TAF1C: variants seen among roughly 807,000 people sequenced by gnomAD.
The protein encoded by TAF1C is TATA box-binding protein-associated factor RNA polymerase I subunit C.
TAF1C carries 79 observed loss-of-function variants against 70.5 expected under a neutral mutation model. That is an observed-to-expected ratio of 1.12 (90% confidence interval 0.93 to 1.35). TAF1C has a LOEUF of 1.35. Among genes scored for constraint, TAF1C ranks in the 40% most tolerant of loss-of-function variants. TAF1C has a pLI of 0.00. For missense variants in TAF1C, 1,412 were observed against 1,127.8 expected, an observed-to-expected ratio of 1.25 and a Z score of -3.61; for synonymous variants, 614 against 491.1, an observed-to-expected ratio of 1.25 and a Z score of -3.31.
At chr16:84,181,210 C>T in intron 11 of TAF1C, 24 bp from the exon 12 acceptor site, 1 of 1,594,966 alleles carries the variant, frequency 6.3e-7, no homozygotes, top group Non-Finnish European at 8.6e-7. Context: ...ACAGGGTCAG[C>T]CCTCCCCACA....
rs369935301 is a variant in TAF1C at position 84,178,992 on chromosome 16, G to C, written c.2481C>G (p.Pro827=). 3 of 1,610,842 alleles carry C rather than the reference G, an allele frequency of 1.9e-6. No individual in the cohort carries two copies. Among genetic ancestry groups the C allele is most frequent in the Admixed American group, 1.7e-5 (1 of 59,990 alleles). ...VRATRSQQHT[P]VLSSSQPLRK... ...GGAGGGGCTGAGAGCTAGAGAGGAC[G>C]GGTGTGTGCTGCTGGGAGCGAGTGG... Residue 827 remains proline, a synonymous_variant, in exon 15 of 15, where the codon CCC becomes CCG. Transcript: ENST00000566732.
At chr16:84,181,903 T>C in intron 8 of TAF1C, 39 bp downstream of exon 8, 1 of 1,614,016 alleles carries the variant, frequency 6.2e-7, no homozygotes, top group Non-Finnish European at 8.5e-7. Context: ...AGGTAGCAGG[T>C]CAGCCAGTGA....
chr16:84,183,114 C>T lies in TAF1C; in HGVS notation c.444G>A (p.Lys148=), dbSNP rs1331423560. ...RTKKKTVVSV[K]KLLQDLGGHQ... ...GTCCACCGAGGTCCTGGAGCAGCTT[C>T]TTCACACTGACCACTGTCTTCTTCT... Residue 148 remains lysine, a synonymous_variant, in exon 6 of 15, where the codon AAG becomes AAA. Transcript: ENST00000566732. 1.2e-6 allele frequency: 2 copies of T among 1,614,160 alleles called. No homozygotes were observed. Among genetic ancestry groups the T allele is most frequent in the East Asian group, 4.5e-5 (2 of 44,882 alleles).
Position 84,184,995 on chromosome 16 carries a change from A to C in TAF1C, c.-7T>G. 6.2e-7 allele frequency: 1 copy of C among 1,612,802 alleles called. No homozygotes were observed. The highest frequency in any genetic ancestry group is 8.5e-7 in the Non-Finnish European group (1 of 1,179,446). ...GGGAGCTGGGGAAGTCCATCCTGGA[A>C]ACAAGGACCAAGCACCACACTGGCC... On this transcript the variant is annotated 5_prime_UTR_variant, in exon 2 of 15. Transcript: ENST00000566732.
In TAF1C at chr16:84,178,205, C is replaced by A; in HGVS notation, c.*736G>T. 1 of 391,962 alleles carries A rather than the reference C, an allele frequency of 2.6e-6. No homozygotes were observed. Among genetic ancestry groups the A allele is most frequent in the South Asian group, 1.9e-5 (1 of 51,848 alleles). 24.3% of individuals were successfully genotyped at this position (391,962 alleles called of 1,614,324 possible). A position where few individuals can be genotyped will look rare whatever the true frequency, so the allele number is the denominator to read the frequency against. On this transcript the variant is annotated 3_prime_UTR_variant, in exon 15 of 15. Transcript: ENST00000566732. ...CTGTGAGGCACAACAGAGAATTCCC[C>A]CAAACTGACATGACCGTGACCCTCT...
rs778470093 is a variant in TAF1C at position 84,179,618 on chromosome 16, T to C, written c.1855A>G (p.Lys619Glu). Residue 619 changes from lysine to glutamate, a missense_variant, in exon 15 of 15, where the codon AAA (lysine) becomes GAA (glutamate). Transcript: ENST00000566732. ...GCSQWLKALL[K>E]VPLAPPVWTA... ...CACACAGGAGGAGCCAGGGGCACTT[T>C]TAGCAGGGCCTTCAGCCACTGGCTG... 2 of 1,612,684 alleles carry C rather than the reference T, an allele frequency of 1.2e-6. No homozygotes were observed. Among genetic ancestry groups the C allele is most frequent in the East Asian group, 2.2e-5 (1 of 44,850 alleles).
intron 1 of TAF1C, among the ~76,000 whole-genome samples, chr16:84,186,577 T>C (rs1180182770): frequency 6.6e-6 from 1 of 152,070 alleles, no homozygotes; most frequent in African/African-American, 2.4e-5. Flanking sequence ...AACAAAAATA[T>C]TTTCTCTTGG....
In TAF1C at chr16:84,180,354, G is replaced by A. The variant is rs1233086361; in HGVS notation, c.1309-10C>T. On this transcript the variant is annotated splice_polypyrimidine_tract_variant and intron_variant, in intron 12 of 14. Coordinates refer to ENST00000566732, the MANE Select transcript of TAF1C (RefSeq NM_001243156.2). Reference sequence around the variant, plus strand: ...CTAGGTAGAGAGAGAACTGGGGCCCGAGAAGGAAGGGGGATGTGGCCGAAC... The same window carrying A: ...CTAGGTAGAGAGAGAACTGGGGCCCAAGAAGGAAGGGGGATGTGGCCGAAC... The A allele has an allele frequency of 9.8e-6, 15 of 1,535,872 alleles. No individual in the cohort carries two copies. The highest frequency in any genetic ancestry group is 2.8e-5 in the African/African-American group (2 of 72,486).
rs765309644 is a variant in TAF1C, at chr16:84,179,293, C to T, written c.2180G>A (p.Arg727Gln). ...CGAAAAGCTGCTGGACAGCTGGGTC[C>T]GGCGCTTGGGCCGCCTGGTCTGTCT... ...PGRQTRRPKR[R>Q]TQLSSSFSLS... Residue 727 changes from arginine to glutamine, a missense_variant, in exon 15 of 15, where the codon CGG (arginine) becomes CAG (glutamine). Coordinates refer to ENST00000566732, the MANE Select transcript of TAF1C (RefSeq NM_001243156.2). 1.2e-5 allele frequency: 19 copies of T among 1,593,474 alleles called. No individual in the cohort carries two copies. The highest frequency in any genetic ancestry group is 1.1e-4 in the East Asian group (5 of 44,386).
chr16:84,181,992 T>G lies in TAF1C; in HGVS notation c.788A>C (p.Gln263Pro). ...PQFLGKPGRIQLQGPVRQVVT... is the reference protein window; with the variant it reads ...PQFLGKPGRIPLQGPVRQVVT... Reference sequence around the variant, plus strand: ...CACTTGCCGGACAGGTCCCTGGAGCTGGATGCGTCCAGGTTTCCCAAGGAA... The same window carrying G: ...CACTTGCCGGACAGGTCCCTGGAGCGGGATGCGTCCAGGTTTCCCAAGGAA... Residue 263 changes from glutamine to proline, a missense_variant, in exon 8 of 15, where the codon CAG (glutamine) becomes CCG (proline). Transcript: ENST00000566732. 6.2e-7 allele frequency: 1 copy of G among 1,613,722 alleles called. No homozygotes were observed. Among genetic ancestry groups the G allele is most frequent in the South Asian group, 1.1e-5 (1 of 91,088 alleles).
chr16:84,178,527 G>A lies in TAF1C; in HGVS notation c.*414C>T. ...CTGTGCCCACCTCATCAGCAGCTCT[G>A]CAGGGGCCTCACTCCACCCTCACCA... On this transcript the variant is annotated 3_prime_UTR_variant, in exon 15 of 15. Coordinates refer to ENST00000566732, the MANE Select transcript of TAF1C (RefSeq NM_001243156.2). 4.4e-6 allele frequency: 2 copies of A among 458,868 alleles called. No homozygotes were observed. Among genetic ancestry groups the A allele is most frequent in the South Asian group, 1.6e-5 (1 of 63,832 alleles). 28.4% of individuals were successfully genotyped at this position (458,868 alleles called of 1,614,324 possible). A position where few individuals can be genotyped will look rare whatever the true frequency, so the allele number is the denominator to read the frequency against.
At chr16:84,183,563 C>T in intron 3 of TAF1C, 56 bp from the exon 4 acceptor site, 4 of 1,565,148 alleles carry the variant, frequency 2.6e-6, no homozygotes, top group South Asian at 2.3e-5. Context: ...GGCCAGATGC[C>T]CTGGGCGACT....
At chr16:84,181,724 C>A in intron 9 of TAF1C, 22 bp downstream of exon 9, 4 of 1,613,782 alleles carry the variant, frequency 2.5e-6, no homozygotes, top group Non-Finnish European at 2.5e-6. Context: ...CCCTCCTCAC[C>A]GACCAACCTG....
Position 84,181,416 on chromosome 16 carries a change from G to C in TAF1C, c.1076C>G (p.Ser359Cys), listed in dbSNP as rs142463325. 6.2e-7 allele frequency: 1 copy of C among 1,613,898 alleles called. No homozygotes were observed. Reference sequence around the variant, plus strand: ...GAAGTCTGCCCAACGCCACGAAGAGGAGTCCCGGAACACGAGGGTCTCAGG... The same window carrying C: ...GAAGTCTGCCCAACGCCACGAAGAGCAGTCCCGGAACACGAGGGTCTCAGG... ...RDPETLVFRD[S>C]SSWRWADFTA... Residue 359 changes from serine (S) to cysteine (C), a missense_variant, in exon 11 of 15, where the codon TCC (serine) becomes TGC (cysteine). Physicochemically the swap from Ser to Cys is moderately radical, Grantham distance 112 (BLOSUM62 -1). Coordinates refer to ENST00000566732, the MANE Select transcript of TAF1C (RefSeq NM_001243156.2).
At position 84,177,903 on chromosome 16, in the gene TAF1C, A is replaced by C. The variant is rs1597515642; in HGVS notation, c.*1038T>G. ...ATAAATGTCTCCCTTAGGCATGATA[A>C]ACATTTTAACACCCACGCGAGTCAG... On this transcript the variant is annotated 3_prime_UTR_variant, in exon 15 of 15. Coordinates refer to ENST00000566732, the MANE Select transcript of TAF1C (RefSeq NM_001243156.2). 3.0e-6 allele frequency: 4 copies of C among 1,348,822 alleles called. No individual in the cohort carries two copies. In the East Asian group the frequency reaches 9.2e-5, roughly 31 times the overall value. 83.6% of individuals were successfully genotyped at this position (1,348,822 alleles called of 1,614,324 possible).
Position 84,181,327 on chromosome 16 carries a change from C to G in TAF1C, c.1164+1G>C. ...GTGGGTCCTCTGCCGCCAGCCCGTACCTGAGTGTCCAGCATCTTCACTCCG... is the reference window on the plus strand; with the variant it reads ...GTGGGTCCTCTGCCGCCAGCCCGTAGCTGAGTGTCCAGCATCTTCACTCCG... On this transcript the variant is annotated splice_donor_variant, in intron 11 of 14. Transcript: ENST00000566732. LOFTEE classifies it high-confidence loss of function. 1 of 1,613,344 alleles carries G rather than the reference C, an allele frequency of 6.2e-7. No individual in the cohort carries two copies. Among genetic ancestry groups the G allele is most frequent in the Non-Finnish European group, 8.5e-7 (1 of 1,179,772 alleles).
At position 84,179,045 on chromosome 16, in the gene TAF1C, G is replaced by C; in HGVS notation, c.2428C>G (p.Pro810Ala). Residue 810 changes from proline to alanine, a missense_variant, in exon 15 of 15, where the codon CCC becomes GCC. Transcript: ENST00000566732. ...CGGACGCTGGAGGCCTGGGAGTGGG[G>C]AGGTGTGGTGGCACAGCCTGGGGTG... The part of the protein sequence containing the change: ...RDTPGCATTP[P>A]HSQASSVRAT... 6.2e-7 allele frequency: 1 copy of C among 1,610,918 alleles called. No individual in the cohort carries two copies. The highest frequency in any genetic ancestry group is 8.5e-7 in the Non-Finnish European group (1 of 1,179,864).
Position 84,178,600 on chromosome 16 carries a change from G to A in TAF1C, c.*341C>T. 1 of 424,942 alleles carries A rather than the reference G, an allele frequency of 2.4e-6. No homozygotes were observed. Among genetic ancestry groups the A allele is most frequent in the Non-Finnish European group, 4.5e-6 (1 of 222,394 alleles). 26.3% of individuals were successfully genotyped at this position (424,942 alleles called of 1,614,324 possible). A position where few individuals can be genotyped will look rare whatever the true frequency, so the allele number is the denominator to read the frequency against. Reference sequence around the variant, plus strand: ...GGCCCCCATTCCACTGGACAGGAAGGCGTGAGAACTGAGGGACCTGCCTGA... The same window carrying A: ...GGCCCCCATTCCACTGGACAGGAAGACGTGAGAACTGAGGGACCTGCCTGA... On this transcript the variant is annotated 3_prime_UTR_variant, in exon 15 of 15. Coordinates refer to ENST00000566732, the MANE Select transcript of TAF1C (RefSeq NM_001243156.2).
intron 8 of TAF1C, 39 bp from the exon 9 acceptor site, chr16:84,181,902 G>A (rs1243011442): frequency 1.2e-6 from 2 of 1,614,046 alleles, no homozygotes; most frequent in Non-Finnish European, 8.5e-7. Context: ...CAGGTAGCAG[G>A]TCAGCCAGTG....
Sources: allele counts gnomAD v4.1 joint callset (sites outside exome capture counted in the v4.1 genomes callset), GRCh38; gene constraint gnomAD v4.1.1; transcripts MANE v1.5; gene names NCBI Gene and HGNC (gene_info 2026-07-23, HGNC 2026-07-21).